PPP2R5E: variants seen among roughly 807,000 people sequenced by gnomAD.
PPP2R5E encodes the protein protein phosphatase 2 regulatory subunit B'epsilon.
In PPP2R5E, 4 loss-of-function variants were observed where a neutral mutation model predicts 65.3. The observed-to-expected ratio is 0.06, with a 90% CI of 0.03 to 0.14. The LOEUF is 0.14. Ranked by LOEUF, PPP2R5E falls within the 10% of genes least tolerant of loss-of-function variation. PPP2R5E has a pLI of 1.00. For missense variants in PPP2R5E, 274 were observed against 556.1 expected (o/e 0.49, Z 5.10); for synonymous variants, 183 against 187.4 (o/e 0.98, Z 0.19).
Position 63,371,673 on chromosome 14 carries a change from C to T in PPP2R5E, c.*4336G>A, listed in dbSNP as rs1173883351. On this transcript the variant is annotated 3_prime_UTR_variant, in exon 14 of 14. Coordinates refer to ENST00000337537, the MANE Select transcript of PPP2R5E (RefSeq NM_006246.5). ...TCTGGTTGAACCAGTCTATAATTTTCATATGCAACTTTTCATATCAAAAAT... is the reference window on the plus strand; with the variant it reads ...TCTGGTTGAACCAGTCTATAATTTTTATATGCAACTTTTCATATCAAAAAT... 6.6e-6 allele frequency: 1 copy of T among 152,088 alleles called. No homozygotes were observed. The highest frequency in any genetic ancestry group is 2.4e-5 in the African/African-American group (1 of 41,414). 9.4% of individuals were successfully genotyped at this position (152,088 alleles called of 1,614,324 possible).
chr14:63,431,979 G>A (rs1470316944), intron 3 of PPP2R5E, among the ~76,000 whole-genome samples: 1 of 150,942 alleles, frequency 6.6e-6, no homozygotes, highest in Non-Finnish European at 1.5e-5. Context: ...CCTGAAATGA[G>A]GCAGAAAGAA....
rs1883906352 is a variant in PPP2R5E at position 63,374,964 on chromosome 14, A to C, written c.*1045T>G. 1 of 152,402 alleles carries C rather than the reference A, an allele frequency of 6.6e-6. No homozygotes were observed. The highest frequency in any genetic ancestry group is 1.5e-5 in the Non-Finnish European group (1 of 67,962). 9.4% of individuals were successfully genotyped at this position (152,402 alleles called of 1,614,324 possible). A position where few individuals can be genotyped will look rare whatever the true frequency, so the allele number is the denominator to read the frequency against. Reference sequence around the variant, plus strand: ...GAGAATCTACAAAAAACACTGTAACATGTTTGTTTTTTCCCAGAGGCTACA... The same window carrying C: ...GAGAATCTACAAAAAACACTGTAACCTGTTTGTTTTTTCCCAGAGGCTACA... On this transcript the variant is annotated 3_prime_UTR_variant, in exon 14 of 14. Transcript: ENST00000337537.
intron 5 of PPP2R5E, among the ~76,000 whole-genome samples, chr14:63,401,225 C>T (rs1885734922): frequency 6.6e-6 from 1 of 151,944 alleles, no homozygotes; most frequent in African/African-American, 2.4e-5. Flanking sequence ...CAGGCCAAAA[C>T]AAGGGGGGGT....
intron 2 of PPP2R5E, among the ~76,000 whole-genome samples, chr14:63,538,602 G>T (rs1374290822): frequency 2.0e-5 from 3 of 151,872 alleles, no homozygotes; most frequent in Admixed American, 1.3e-4. Context: ...CAGAGTGACA[G>T]CATGAGATTG....
intron 2 of PPP2R5E, among the ~76,000 whole-genome samples, chr14:63,531,181 GAA>G (rs1232626233): frequency 6.6e-6 from 1 of 152,036 alleles, no homozygotes. Flanking sequence ...AAAAAAGAAA[GAA>G]AGAAAAAAAT....
chr14:63,432,214 C>T (rs1887712491), intron 3 of PPP2R5E, among the ~76,000 whole-genome samples: 1 of 151,906 alleles, frequency 6.6e-6, no homozygotes, highest in African/African-American at 2.4e-5. Flanking sequence ...ATTTTTTACT[C>T]TACTGGGTAT....
chr14:63,510,259 G>C (rs1010748196), intron 2 of PPP2R5E, among the ~76,000 whole-genome samples: 1 of 152,144 alleles, frequency 6.6e-6, no homozygotes, highest in Admixed American at 6.5e-5. Flanking sequence ...CTCACTTCTA[G>C]GGAAGAGCCA....
chr14:63,433,682 G>A (rs188732642), intron 3 of PPP2R5E, among the ~76,000 whole-genome samples: 3 of 152,042 alleles, frequency 2.0e-5, no homozygotes, highest in Admixed American at 2.0e-4. Flanking sequence ...AGAGAGTAAA[G>A]CTTCAGTGTT....
At chr14:63,409,132 C>T (rs570424886) in intron 5 of PPP2R5E, among the ~76,000 whole-genome samples, 2 of 152,288 alleles carry the variant, frequency 1.3e-5, no homozygotes, top group Admixed American at 1.3e-4. Context: ...ACTCAGGAGG[C>T]CGAGGCAGGA....
chr14:63,408,364 A>G (rs1886205706), intron 5 of PPP2R5E, among the ~76,000 whole-genome samples: 1 of 151,864 alleles, frequency 6.6e-6, no homozygotes, highest in African/African-American at 2.4e-5. Context: ...AATTATGCCA[A>G]TTTAACGTAT....
intron 2 of PPP2R5E, among the ~76,000 whole-genome samples, chr14:63,493,480 G>A (rs959811476): frequency 1.5e-5 from 2 of 135,642 alleles, no homozygotes; most frequent in Admixed American, 6.9e-5. Flanking sequence ...ATTACCGCGC[G>A]CGCGTGTGTG....
chr14:63,378,360 G>A (rs914089613), intron 13 of PPP2R5E, among the ~76,000 whole-genome samples: 6 of 152,160 alleles, frequency 3.9e-5, no homozygotes, highest in Non-Finnish European at 8.8e-5. Flanking sequence ...AGACCTTGAC[G>A]ATGACCTTGA....
At chr14:63,526,347 C>G (rs540065371) in intron 2 of PPP2R5E, among the ~76,000 whole-genome samples, 1 of 152,254 alleles carries the variant, frequency 6.6e-6, no homozygotes, top group Admixed American at 6.5e-5. Flanking sequence ...TCTTATTTTT[C>G]AATATCATCC....
intron 2 of PPP2R5E, among the ~76,000 whole-genome samples, chr14:63,468,664 C>T (rs958626574): frequency 1.3e-5 from 2 of 150,184 alleles, no homozygotes; most frequent in African/African-American, 2.5e-5. Flanking sequence ...CTGATATAAT[C>T]AGGTTTATGC....
chr14:63,448,915 T>A (rs1888660397), intron 3 of PPP2R5E, among the ~76,000 whole-genome samples: 1 of 152,122 alleles, frequency 6.6e-6, no homozygotes, highest in Non-Finnish European at 1.5e-5. Context: ...GTAGGTGGTA[T>A]CCAGACTTCA....
chr14:63,472,014 C>T (rs1359620356), intron 2 of PPP2R5E, among the ~76,000 whole-genome samples: 2 of 152,086 alleles, frequency 1.3e-5, no homozygotes, highest in Non-Finnish European at 2.9e-5. Flanking sequence ...TTAAAAGCCC[C>T]CTTAGGCTGG....
chr14:63,407,533 TTAC>T (rs1566680110), intron 5 of PPP2R5E, among the ~76,000 whole-genome samples: 1 of 145,004 alleles, frequency 6.9e-6, no homozygotes, highest in Non-Finnish European at 1.5e-5. Flanking sequence ...TTCTTATTGA[TTAC>T]AACATATATG....
intron 5 of PPP2R5E, among the ~76,000 whole-genome samples, chr14:63,408,914 G>A (rs1886234900): frequency 6.6e-6 from 1 of 152,162 alleles, no homozygotes; most frequent in Admixed American, 6.5e-5. Context: ...GGCCAACATG[G>A]TGAAACCACG....
intron 5 of PPP2R5E, among the ~76,000 whole-genome samples, chr14:63,408,981 C>T (rs957753029): frequency 5.3e-5 from 8 of 152,146 alleles, no homozygotes; most frequent in African/African-American, 1.9e-4. Context: ...CCTGTAATTC[C>T]AGCACTTTGG....
Sources: allele counts gnomAD v4.1 joint callset (sites outside exome capture counted in the v4.1 genomes callset), GRCh38; gene constraint gnomAD v4.1.1; transcripts MANE v1.5; gene names NCBI Gene and HGNC (gene_info 2026-07-23, HGNC 2026-07-21).